Variants in NAALADL2 observed in about 807,000 individuals in gnomAD.
NAALADL2 encodes inactive N-acetylated-alpha-linked acidic dipeptidase-like protein 2.
A neutral mutation model predicts 87.2 loss-of-function variants in NAALADL2; 76 were observed. That is an observed-to-expected ratio of 0.87 (90% CI 0.72 to 1.05). The LOEUF (loss-of-function observed/expected upper bound fraction) is 1.05. NAALADL2 is among the 50% of genes least tolerant of loss of function. NAALADL2 has a pLI of 0.00. For missense variants in NAALADL2, 1,089 were observed against 945.8 expected (o/e 1.15, Z -1.99); for synonymous variants, 354 against 331.0 (o/e 1.07, Z -0.75).
At chr3:174,961,388 A>C (rs1467908691) in intron 1 of NAALADL2, among the ~76,000 whole-genome samples, 1 of 152,034 alleles carries the variant, frequency 6.6e-6, no homozygotes, top group East Asian at 1.9e-4. Context: ...ATTGCTAAAA[A>C]AATCTTAAAA....
chr3:174,753,275 C>A (rs1274782151), intron 3 of NAALADL2, among the ~76,000 whole-genome samples: 1 of 152,124 alleles, frequency 6.6e-6, no homozygotes, highest in East Asian at 1.9e-4. Context: ...GGGGTTTCAC[C>A]CCATTGGCCT....
Position 175,256,425 on chromosome 3 carries a change from T to C in NAALADL2, c.834T>C (p.Asp278=), listed in dbSNP as rs745497315. The C allele has an allele frequency of 2.1e-5, 34 of 1,610,452 alleles. No homozygotes were observed. The highest frequency in any genetic ancestry group is 4.0e-5 in the African/African-American group (3 of 74,766). The change falls in exon 4 of 14, where the codon GAT becomes GAC. Residue 278 remains aspartate (D), a synonymous_variant. Coordinates refer to ENST00000454872, the MANE Select transcript of NAALADL2 (RefSeq NM_207015.3). ...TCCTCTTTCAGGCTGAAGTCATCGA[T>C]GTGAGTTATGGAATGGCAGATGATT... ...AKGTLKAEVI[D]VSYGMADDLK...
intron 3 of NAALADL2, among the ~76,000 whole-genome samples, chr3:174,806,936 C>A (rs368220594): frequency 9.9e-5 from 15 of 151,996 alleles, no homozygotes; most frequent in African/African-American, 3.6e-4. Flanking sequence ...GGAGAAACAT[C>A]ATTGTCCTTA....
intron 5 of NAALADL2, among the ~76,000 whole-genome samples, chr3:175,329,387 C>T (rs1423377919): frequency 6.6e-6 from 1 of 152,172 alleles, no homozygotes; most frequent in Non-Finnish European, 1.5e-5. Flanking sequence ...TTGAACATCA[C>T]TCCTGCCAAA....
chr3:175,214,044 G>T (rs1057329508), intron 2 of NAALADL2, among the ~76,000 whole-genome samples: 1 of 152,054 alleles, frequency 6.6e-6, no homozygotes, highest in Non-Finnish European at 1.5e-5. Flanking sequence ...TACCATTATT[G>T]TATTTTCTAA....
chr3:175,731,980 C>T (rs914510312), intron 11 of NAALADL2, among the ~76,000 whole-genome samples: 10 of 151,984 alleles, frequency 6.6e-5, no homozygotes, highest in Non-Finnish European at 1.5e-4. Context: ...TTTTAAAAAT[C>T]CTTTTTATAA....
intron 9 of NAALADL2, among the ~76,000 whole-genome samples, chr3:175,523,689 C>A (rs1386843982): frequency 6.6e-6 from 1 of 152,178 alleles, no homozygotes; most frequent in Non-Finnish European, 1.5e-5. Context: ...CTGTGTCCTT[C>A]CCCTTTTGTC....
intron 11 of NAALADL2, among the ~76,000 whole-genome samples, chr3:175,651,280 C>T (rs910973469): frequency 6.6e-6 from 1 of 152,018 alleles, no homozygotes; most frequent in African/African-American, 2.4e-5. Context: ...ATAATGAGCA[C>T]ATCAAAATAA....
intron 5 of NAALADL2, among the ~76,000 whole-genome samples, chr3:175,376,271 A>T (rs535369632): frequency 3.9e-5 from 6 of 152,202 alleles, no homozygotes; most frequent in Non-Finnish European, 8.8e-5. Context: ...AACTTATTTT[A>T]ACATGTCTTG....
intron 3 of NAALADL2, among the ~76,000 whole-genome samples, chr3:174,804,452 C>T (rs1427681078): frequency 6.6e-6 from 1 of 152,100 alleles, no homozygotes; most frequent in East Asian, 1.9e-4. Flanking sequence ...ATTGAATACC[C>T]ATTATTTCTT....
intron 2 of NAALADL2, among the ~76,000 whole-genome samples, chr3:175,170,614 A>G (rs1306464010): frequency 1.3e-5 from 2 of 150,868 alleles, no homozygotes; most frequent in African/African-American, 4.8e-5. Context: ...ATATTATTCT[A>G]TAAGTGTATT....
intron 2 of NAALADL2, among the ~76,000 whole-genome samples, chr3:174,601,776 G>A (rs1718481988): frequency 6.6e-6 from 1 of 152,088 alleles, no homozygotes; most frequent in East Asian, 1.9e-4. Flanking sequence ...TTCTTAGATT[G>A]AAGTCTTAGA....
chr3:175,075,569 C>T (rs1479943748), intron 1 of NAALADL2, among the ~76,000 whole-genome samples: 1 of 152,102 alleles, frequency 6.6e-6, no homozygotes, highest in African/African-American at 2.4e-5. Flanking sequence ...TCTTCCAAGC[C>T]AGTGGTGGCC....
chr3:175,216,669 T>TTTC (rs1553816869), intron 2 of NAALADL2, among the ~76,000 whole-genome samples: 1 of 42,798 alleles, frequency 2.3e-5, no homozygotes, highest in Admixed American at 2.9e-4. Context: ...TTTTCTTTTC[T>TTTC]TTTTTTTTTT....
intron 2 of NAALADL2, among the ~76,000 whole-genome samples, chr3:174,595,606 T>C (rs1717813436): frequency 6.6e-6 from 1 of 152,182 alleles, no homozygotes; most frequent in Admixed American, 6.5e-5. Flanking sequence ...CTCTCCCTTT[T>C]CTTTTGAAAA....
intron 2 of NAALADL2, among the ~76,000 whole-genome samples, chr3:174,651,941 A>G (rs1724399734): frequency 6.6e-6 from 1 of 152,212 alleles, no homozygotes; most frequent in Admixed American, 6.5e-5. Flanking sequence ...CACCCAAATC[A>G]AAAGAGAGTA....
At chr3:175,758,297 C>T (rs771619659) in intron 13 of NAALADL2, among the ~76,000 whole-genome samples, 4 of 151,940 alleles carry the variant, frequency 2.6e-5, no homozygotes, top group Admixed American at 1.3e-4. Context: ...TTCTGGTTCA[C>T]TCTTTTGAAA....
intron 12 of NAALADL2, among the ~76,000 whole-genome samples, chr3:175,740,373 G>C (rs965385495): frequency 6.6e-6 from 1 of 152,146 alleles, no homozygotes; most frequent in Non-Finnish European, 1.5e-5. Flanking sequence ...ATAAATTGGG[G>C]ATGTGTGGCA....
intron 2 of NAALADL2, among the ~76,000 whole-genome samples, chr3:174,566,232 A>G (rs890683980): frequency 1.1e-4 from 16 of 151,932 alleles, no homozygotes; most frequent in African/African-American, 3.9e-4. Context: ...CCTACCATTT[A>G]GAAATTATTA....
Sources: gnomAD v4.1 joint callset for allele counts (sites outside exome capture counted in the v4.1 genomes callset) on GRCh38, gnomAD v4.1.1 for gene constraint, MANE v1.5 for transcripts, NCBI Gene and HGNC (gene_info 2026-07-23, HGNC 2026-07-21) for gene names.